Variants in FYB2 observed in about 807,000 individuals in gnomAD.
FYB2 encodes the protein FYN binding protein 2, also known as FYN-binding protein 2.
A neutral mutation model predicts 94.1 loss-of-function variants in FYB2; 103 were observed. That is an observed-to-expected ratio of 1.09 (90% CI 0.93 to 1.29). FYB2 has a LOEUF of 1.29. FYB2 is among the 50% of genes most tolerant of loss of function. FYB2 has a pLI of 0.00. For synonymous variants in FYB2, 293 were observed against 287.9 expected (o/e 1.02, Z -0.18); for missense variants, 896 against 841.5 (o/e 1.06, Z -0.80).
intron 4 of FYB2, among the ~76,000 whole-genome samples, chr1:56,781,490 A>G (rs1646007978): frequency 6.6e-6 from 1 of 152,216 alleles, no homozygotes; most frequent in Middle Eastern, 3.2e-3. Context: ...GTCCTCATCT[A>G]TAAAATGGGA....
chr1:56,806,480 G>A (rs1466915877), intron 1 of FYB2, among the ~76,000 whole-genome samples: 1 of 152,078 alleles, frequency 6.6e-6, no homozygotes, highest in African/African-American at 2.4e-5. Context: ...ATGAGAAGGA[G>A]AAATAGGGCT....
chr1:56,815,816 A>G (rs551026563), intron 1 of FYB2, among the ~76,000 whole-genome samples: 30 of 152,300 alleles, frequency 2.0e-4, no homozygotes, highest in Admixed American at 5.9e-4. Flanking sequence ...TTCAAGCACC[A>G]TTTTGTAAGC....
chr1:56,778,980 C>T (rs1460418610), intron 4 of FYB2, among the ~76,000 whole-genome samples: 4 of 152,000 alleles, frequency 2.6e-5, no homozygotes, highest in African/African-American at 4.8e-5. Flanking sequence ...CATCAGGTGA[C>T]GATCTGGGAG....
At position 56,753,911 on chromosome 1, in the gene FYB2, CA is replaced by C; in HGVS notation, c.1154del (p.Met385ArgfsTer9). The C allele has an allele frequency of 6.2e-7, 1 of 1,609,330 alleles. No individual in the cohort carries two copies. The highest frequency in any genetic ancestry group is 8.5e-7 in the Non-Finnish European group (1 of 1,176,702). Reference sequence around the variant, plus strand: ...TCAATTCACATGGTTGTTTTTCCTTCATTTTTTTATCTTCATGTTTAGCACT... The same window carrying C: ...TCAATTCACATGGTTGTTTTTCCTTCTTTTTTTATCTTCATGTTTAGCACT... ...EPSAKHEDKK[M>X]KEKQPCELKP... On this transcript the variant is annotated frameshift_variant, in exon 8 of 20. Coordinates refer to ENST00000343433, the MANE Select transcript of FYB2 (RefSeq NM_001004303.5). LOFTEE classifies it high-confidence loss of function.
At chr1:56,816,663 T>C (rs955666263) in intron 1 of FYB2, among the ~76,000 whole-genome samples, 5 of 152,156 alleles carry the variant, frequency 3.3e-5, no homozygotes, top group Non-Finnish European at 7.3e-5. Flanking sequence ...ATAATGTAGA[T>C]ATATTATCAA....
At chr1:56,770,699 C>T (rs979248631) in intron 4 of FYB2, among the ~76,000 whole-genome samples, 3 of 152,002 alleles carry the variant, frequency 2.0e-5, no homozygotes, top group South Asian at 2.1e-4. Context: ...GGGAGATAAA[C>T]GCTCTTCACT....
intron 1 of FYB2, among the ~76,000 whole-genome samples, chr1:56,795,266 C>T (rs1646369163): frequency 6.6e-6 from 1 of 152,048 alleles, no homozygotes; most frequent in African/African-American, 2.4e-5. Flanking sequence ...TCACTTATTA[C>T]AATGGCCTCA....
chr1:56,739,172 G>A (rs922242399), intron 13 of FYB2, among the ~76,000 whole-genome samples: 1 of 152,070 alleles, frequency 6.6e-6, no homozygotes, highest in Non-Finnish European at 1.5e-5. Context: ...TATTCTAAAC[G>A]TAGTATGTAG....
intron 4 of FYB2, among the ~76,000 whole-genome samples, chr1:56,785,654 C>T (rs190582571): frequency 2.0e-5 from 3 of 152,222 alleles, no homozygotes; most frequent in East Asian, 1.9e-4. Flanking sequence ...TCTATAATCC[C>T]GTTTCTATAC....
intron 1 of FYB2, among the ~76,000 whole-genome samples, chr1:56,805,241 G>A (rs991708078): frequency 1.3e-5 from 2 of 152,220 alleles, no homozygotes; most frequent in Non-Finnish European, 2.9e-5. Flanking sequence ...TTTCACTTGT[G>A]CTTCTGTCAC....
intron 15 of FYB2, among the ~76,000 whole-genome samples, chr1:56,733,324 CTTCT>C (rs1222415645): frequency 6.6e-6 from 1 of 151,848 alleles, no homozygotes; most frequent in African/African-American, 2.4e-5. Context: ...TCTCTATTTT[CTTCT>C]TTATTAGTCT....
rs1645802667 is a variant in FYB2 at position 56,773,293 on chromosome 1, ATTAG to A, written c.954-5359_954-5356del. Reference sequence around the variant, plus strand: ...ATCCCTCATTGTCCTTTGGAGAATAATTAGTTAACCTCTGTATTAGGCTGTACGC... The same window carrying A: ...ATCCCTCATTGTCCTTTGGAGAATAATTAACCTCTGTATTAGGCTGTACGC... On this transcript the variant is annotated intron_variant, in intron 4 of 19. Coordinates refer to ENST00000343433, the MANE Select transcript of FYB2 (RefSeq NM_001004303.5). Among the ~76,000 whole-genome samples, 4 of 152,260 alleles carry A rather than the reference ATTAG, an allele frequency of 2.6e-5. No individual in the cohort carries two copies. The South Asian group carries it at 8.3e-4, about 32-fold the overall frequency.
At chr1:56,804,752 T>C (rs932144745) in intron 1 of FYB2, among the ~76,000 whole-genome samples, 1 of 126,290 alleles carries the variant, frequency 7.9e-6, no homozygotes, top group Non-Finnish European at 1.9e-5. Flanking sequence ...AATAAATACA[T>C]AAATAAATAA....
intron 1 of FYB2, among the ~76,000 whole-genome samples, chr1:56,812,042 T>C (rs1646780953): frequency 6.6e-6 from 1 of 152,216 alleles, no homozygotes; most frequent in Non-Finnish European, 1.5e-5. Flanking sequence ...GTTTGAATTC[T>C]GATGTCAGCT....
At chr1:56,737,957 AAATAT>A (rs1644866629) in intron 14 of FYB2, among the ~76,000 whole-genome samples, 2 of 152,070 alleles carry the variant, frequency 1.3e-5, no homozygotes, top group South Asian at 2.1e-4. Flanking sequence ...CATATTTATG[AAATAT>A]AATATACTTT....
chr1:56,740,832 T>C, intron 12 of FYB2, 37 bp from the exon 13 acceptor site: 6 of 1,391,462 alleles, frequency 4.3e-6, no homozygotes, highest in Non-Finnish European at 5.0e-6. Context: ...ACATGGCATT[T>C]AAGAGAGTAC....
Position 56,801,210 on chromosome 1 carries a change from T to C in FYB2, c.10-8407A>G, listed in dbSNP as rs1394281397. Among the ~76,000 whole-genome samples, 5 of 152,152 alleles carry C rather than the reference T, an allele frequency of 3.3e-5. No homozygotes were observed. In the East Asian group the frequency reaches 9.6e-4, roughly 29 times the overall value. ...CCTGAAGAAATGGCTCTTCTTGTGC[T>C]CTCCCAAGCATGGCTTTCTTCTTCC... On this transcript the variant is annotated intron_variant, in intron 1 of 19. Coordinates refer to ENST00000343433, the MANE Select transcript of FYB2 (RefSeq NM_001004303.5).
chr1:56,811,879 G>A (rs1181730363), intron 1 of FYB2, among the ~76,000 whole-genome samples: 1 of 152,152 alleles, frequency 6.6e-6, no homozygotes, highest in East Asian at 1.9e-4. Flanking sequence ...TGATAATGCT[G>A]CTTTGTTTTT....
upstream of FYB2, among the ~76,000 whole-genome samples, chr1:56,823,388 A>G (rs1206213959): frequency 6.6e-6 from 1 of 152,230 alleles, no homozygotes; most frequent in African/African-American, 2.4e-5. Flanking sequence ...GGGATGGATA[A>G]TCAGGACAGA....
Sources: allele counts gnomAD v4.1 joint callset (sites outside exome capture counted in the v4.1 genomes callset), GRCh38; gene constraint gnomAD v4.1.1; transcripts MANE v1.5; gene names NCBI Gene and HGNC (gene_info 2026-07-23, HGNC 2026-07-21).